UBE3D: variants seen among roughly 807,000 people sequenced by gnomAD.
The protein encoded by UBE3D is ubiquitin protein ligase E3D.
UBE3D carries 48 observed loss-of-function variants against 49.6 expected under a neutral mutation model. That is an observed-to-expected ratio of 0.97 (90% CI 0.77 to 1.23). The LOEUF (loss-of-function observed/expected upper bound fraction) is 1.23. UBE3D is among the 50% of genes most tolerant of loss of function. The pLI is 0.00. For missense variants in UBE3D, 452 were observed against 468.4 expected (o/e 0.96, Z 0.32); for synonymous variants, 189 against 174.2 (o/e 1.08, Z -0.67).
downstream of UBE3D, among the ~76,000 whole-genome samples, chr6:82,891,427 T>TA (rs1481358642): frequency 6.6e-6 from 1 of 152,226 alleles, no homozygotes; most frequent in Non-Finnish European, 1.5e-5. Context: ...GATAGGAATC[T>TA]AAAGCATGGA....
chr6:83,020,348 T>TTTTTTTTTGTTG (rs1781004303), intron 7 of UBE3D, among the ~76,000 whole-genome samples: 1 of 141,246 alleles, frequency 7.1e-6, no homozygotes, highest in African/African-American at 3.0e-5. Flanking sequence ...ACTGTTTTTT[T>TTTTTTTTTGTTG]TTTTTTTTTT....
chr6:83,055,856 T>C (rs1783783199), intron 2 of UBE3D, among the ~76,000 whole-genome samples: 1 of 152,204 alleles, frequency 6.6e-6, no homozygotes, highest in African/African-American at 2.4e-5. Flanking sequence ...ACAAAACAGT[T>C]TGATTCAAGT....
chr6:83,021,275 C>T (rs543390167), intron 7 of UBE3D, among the ~76,000 whole-genome samples: 1 of 152,158 alleles, frequency 6.6e-6, no homozygotes, highest in South Asian at 2.1e-4. Flanking sequence ...ACCTCGTCTT[C>T]ACAAAAAATT....
At chr6:83,030,664 T>C (rs1228350408) in intron 5 of UBE3D, among the ~76,000 whole-genome samples, 4 of 152,210 alleles carry the variant, frequency 2.6e-5, no homozygotes, top group African/African-American at 7.2e-5. Context: ...ACTTTGGAAT[T>C]TGGGTAACAG....
intron 8 of UBE3D, among the ~76,000 whole-genome samples, chr6:82,971,267 T>C (rs1003609946): frequency 6.6e-6 from 1 of 152,114 alleles, no homozygotes; most frequent in Non-Finnish European, 1.5e-5. Context: ...ATTTTTACTA[T>C]GTTCTATTAC....
At position 83,005,711 on chromosome 6, in the gene UBE3D, A is replaced by G. The variant is rs148200330; in HGVS notation, c.1010+13262T>C. Among the ~76,000 whole-genome samples the G allele has an allele frequency of 9.9e-5, 15 of 152,242 alleles. No homozygotes were observed. In the East Asian group the frequency reaches 1.7e-3, roughly 18 times the overall value. ...CAATGTTCATAGCAGCACTATGCAA[A>G]ATAGCCAAGAGGTAGAAGCAACCGA... On this transcript the variant is annotated intron_variant, in intron 8 of 9. Transcript: ENST00000369747.
intron 8 of UBE3D, among the ~76,000 whole-genome samples, chr6:82,975,664 ATCAAG>A (rs1459245507): frequency 1.3e-5 from 2 of 152,278 alleles, no homozygotes; most frequent in African/African-American, 4.8e-5. Context: ...TGAGAAACTG[ATCAAG>A]TCATCTTAAC....
At chr6:83,043,932 ACAAG>A (rs1782847673) in intron 4 of UBE3D, among the ~76,000 whole-genome samples, 1 of 152,178 alleles carries the variant, frequency 6.6e-6, no homozygotes, top group Non-Finnish European at 1.5e-5. Flanking sequence ...ACCCTGAAAC[ACAAG>A]CTTTATCTCC....
At chr6:82,984,787 T>G (rs1778346333) in intron 8 of UBE3D, among the ~76,000 whole-genome samples, 1 of 152,086 alleles carries the variant, frequency 6.6e-6, no homozygotes, top group Admixed American at 6.6e-5. Flanking sequence ...AGCCTTGGTT[T>G]AAATTATAAA....
chr6:82,882,833 A>G, the UBE3D span, among the ~76,000 whole-genome samples: 711 of 152,256 alleles, frequency 4.7e-3, 7 homozygotes, highest in African/African-American at 0.016. Context: ...TCCTCACCCT[A>G]GTTTCCTTTC....
In UBE3D at chr6:82,995,250, G is replaced by C. The variant is rs13212217; in HGVS notation, c.1010+23723C>G. Among the ~76,000 whole-genome samples the C allele has an allele frequency of 1.3e-4, 20 of 152,274 alleles. No homozygotes were observed. In the East Asian group the frequency reaches 3.9e-3, roughly 29 times the overall value. On this transcript the variant is annotated intron_variant, in intron 8 of 9. Transcript: ENST00000369747. ...AAAAGCAAATGATTTTGCTTAACAG[G>C]TGTGTTCATTTGAGATCTTTGACTC... is the stretch of plus-strand genomic sequence containing the variant.
chr6:82,982,065 GT>G (rs1462511912), intron 8 of UBE3D, among the ~76,000 whole-genome samples: 2 of 152,082 alleles, frequency 1.3e-5, no homozygotes, highest in African/African-American at 4.8e-5. Flanking sequence ...TTTAAAAAAA[GT>G]TTTATCAAAA....
chr6:82,882,857 G>A, the UBE3D span, among the ~76,000 whole-genome samples: 1 of 152,030 alleles, frequency 6.6e-6, no homozygotes, highest in African/African-American at 2.4e-5. Flanking sequence ...ACATACAAAA[G>A]CCAGTGCTTG....
chr6:82,911,211 A>AC (rs1342375840), intron 9 of UBE3D, among the ~76,000 whole-genome samples: 29 of 150,858 alleles, frequency 1.9e-4, no homozygotes, highest in African/African-American at 6.6e-4. Context: ...AAAAAAAAAA[A>AC]AAAAAAAAAA....
At chr6:83,015,926 G>C (rs1449223862) in intron 8 of UBE3D, among the ~76,000 whole-genome samples, 1 of 152,162 alleles carries the variant, frequency 6.6e-6, no homozygotes, top group African/African-American at 2.4e-5. Flanking sequence ...AGTTTCATTG[G>C]AGTTTACAAG....
At chr6:82,994,708 C>G (rs529398616) in intron 8 of UBE3D, among the ~76,000 whole-genome samples, 1 of 152,190 alleles carries the variant, frequency 6.6e-6, no homozygotes, top group Admixed American at 6.5e-5. Flanking sequence ...GTGAATATGA[C>G]TTCATAATAG....
chr6:82,916,504 T>C (rs968132279), intron 9 of UBE3D, among the ~76,000 whole-genome samples: 1 of 152,188 alleles, frequency 6.6e-6, no homozygotes, highest in Non-Finnish European at 1.5e-5. Context: ...TCAGAATACA[T>C]TAATAACTGG....
At chr6:82,916,478 C>T (rs531432441) in intron 9 of UBE3D, among the ~76,000 whole-genome samples, 13 of 152,280 alleles carry the variant, frequency 8.5e-5, no homozygotes, top group African/African-American at 3.1e-4. Flanking sequence ...GAGGTTCACA[C>T]TGAAGGCTGG....
At chr6:83,018,871 G>C in intron 8 of UBE3D, 102 bp downstream of exon 8, 1 of 1,343,158 alleles carries the variant, frequency 7.4e-7, no homozygotes, top group Non-Finnish European at 1.0e-6. Flanking sequence ...GCTTCAAGTA[G>C]GGAAATGGTA....
Sources: gnomAD v4.1 joint callset for allele counts (sites outside exome capture counted in the v4.1 genomes callset) on GRCh38, gnomAD v4.1.1 for gene constraint, MANE v1.5 for transcripts, NCBI Gene and HGNC (gene_info 2026-07-23, HGNC 2026-07-21) for gene names.